PDE10A: variants seen among roughly 807,000 people sequenced by gnomAD.
PDE10A encodes the protein phosphodiesterase 10A, also known as cAMP and cAMP-inhibited cGMP 3',5'-cyclic phosphodiesterase 10A.
Under a neutral mutation model 97.7 loss-of-function variants are expected in PDE10A, and 39 were observed. That is an observed-to-expected ratio of 0.40 (90% confidence interval 0.31 to 0.52). PDE10A has a LOEUF of 0.52. Ranked by LOEUF, PDE10A falls within the 20% of genes least tolerant of loss-of-function variation. The pLI is 0.56. For missense variants in PDE10A, 731 were observed against 1,047.8 expected, an observed-to-expected ratio of 0.70 and a Z score of 4.17; for synonymous variants, 371 against 376.8, an observed-to-expected ratio of 0.98 and a Z score of 0.18.
At chr6:165,873,745 T>A (rs563399972) in intron 1 of PDE10A, among the ~76,000 whole-genome samples, 1 of 152,324 alleles carries the variant, frequency 6.6e-6, no homozygotes, top group East Asian at 1.9e-4. Flanking sequence ...CTTTTTAATT[T>A]GAATAAAAAA....
chr6:165,482,112 T>G (rs1779638240), intron 3 of PDE10A, among the ~76,000 whole-genome samples: 1 of 152,240 alleles, frequency 6.6e-6, no homozygotes, highest in Non-Finnish European at 1.5e-5. Flanking sequence ...AAAATGCATC[T>G]GTGTGCCGTA....
chr6:165,631,577 T>C (rs1004808488), intron 1 of PDE10A, among the ~76,000 whole-genome samples: 1 of 152,222 alleles, frequency 6.6e-6, no homozygotes. Context: ...TCAGTAAAAT[T>C]AGTATGTCAT....
At chr6:165,823,126 C>G (rs1779620300) in intron 1 of PDE10A, among the ~76,000 whole-genome samples, 1 of 151,952 alleles carries the variant, frequency 6.6e-6, no homozygotes, top group South Asian at 2.1e-4. Flanking sequence ...GCCACCGCTC[C>G]CGGCCTATAA....
At chr6:165,611,136 C>T (rs181115220) in intron 1 of PDE10A, among the ~76,000 whole-genome samples, 68 of 151,998 alleles carry the variant, frequency 4.5e-4, no homozygotes, top group South Asian at 3.1e-3. Context: ...AAACAAAAGC[C>T]CAATTCATAC....
Position 165,767,012 on chromosome 6 carries a change from G to A in PDE10A, c.-615+220517C>T, listed in dbSNP as rs573393465. Among the ~76,000 whole-genome samples, 31 of 152,248 alleles carry A rather than the reference G, an allele frequency of 2.0e-4. No homozygotes were observed. In the South Asian group the frequency reaches 5.4e-3, roughly 27 times the overall value. On this transcript the variant is annotated intron_variant, in intron 1 of 19. Transcript: ENST00000366882. The stretch of plus-strand genomic sequence containing the variant: ...GAATTTTCTGGCCCACAAATAACAG[G>A]CTTGACTTCTCATTTATACCTTTAG...
intron 2 of PDE10A, among the ~76,000 whole-genome samples, chr6:165,511,609 C>T (rs937468105): frequency 3.3e-5 from 5 of 151,914 alleles, no homozygotes; most frequent in South Asian, 2.1e-4. Flanking sequence ...TTCTGACAGG[C>T]GGATGTTGAA....
chr6:165,347,522 T>C (rs891441342), intron 18 of PDE10A, among the ~76,000 whole-genome samples: 1 of 152,162 alleles, frequency 6.6e-6, no homozygotes, highest in African/African-American at 2.4e-5. Context: ...GAAAAATAAA[T>C]TATAAACGAA....
At chr6:165,415,600 T>C (rs1209941018) in intron 12 of PDE10A, among the ~76,000 whole-genome samples, 4 of 152,214 alleles carry the variant, frequency 2.6e-5, no homozygotes, top group African/African-American at 7.2e-5. Flanking sequence ...ATGTAACTTA[T>C]TTAGTTACTT....
At chr6:165,765,540 T>G (rs1160547729) in intron 1 of PDE10A, among the ~76,000 whole-genome samples, 1 of 152,232 alleles carries the variant, frequency 6.6e-6, no homozygotes, top group Non-Finnish European at 1.5e-5. Flanking sequence ...GCTAAGTCCC[T>G]CATTGCCTGG....
exon 1 of PDE10A, chr6:165,987,537 G>A (rs188239948): frequency 2.7e-6 from 1 of 368,196 alleles, no homozygotes; most frequent in African/African-American, 2.1e-5. Flanking sequence ...ACCCGCCAAA[G>A]TATGCTGACG....
intron 21 of PDE10A, among the ~76,000 whole-genome samples, chr6:165,334,911 A>G (rs1233111301): frequency 6.6e-6 from 1 of 152,172 alleles, no homozygotes; most frequent in Non-Finnish European, 1.5e-5. Flanking sequence ...AGCAGAAGAT[A>G]AGAGTATACT....
chr6:165,920,983 A>G (rs1782736828), intron 1 of PDE10A, among the ~76,000 whole-genome samples: 2 of 152,020 alleles, frequency 1.3e-5, no homozygotes, highest in African/African-American at 4.8e-5. Context: ...TACTCCAAAG[A>G]CTCATTTTGT....
intron 1 of PDE10A, among the ~76,000 whole-genome samples, chr6:165,896,162 G>T (rs549833053): frequency 6.6e-6 from 1 of 152,122 alleles, no homozygotes; most frequent in Admixed American, 6.5e-5. Context: ...ACACCTCCCA[G>T]ACCAGCACTG....
intron 1 of PDE10A, among the ~76,000 whole-genome samples, chr6:165,972,844 A>T (rs1032140009): frequency 6.6e-6 from 1 of 152,182 alleles, no homozygotes; most frequent in African/African-American, 2.4e-5. Flanking sequence ...CAGGGATTTT[A>T]TTACTGTTTT....
At chr6:165,466,440 T>C (rs1778656741) in intron 3 of PDE10A, among the ~76,000 whole-genome samples, 1 of 152,224 alleles carries the variant, frequency 6.6e-6, no homozygotes, top group Admixed American at 6.5e-5. Context: ...TATTTCTGAA[T>C]GTCAGCACAG....
At position 165,500,766 on chromosome 6, in the gene PDE10A, T is replaced by C. The variant is rs532892841; in HGVS notation, c.995-18423A>G. Among the ~76,000 whole-genome samples the C allele has an allele frequency of 5.9e-5, 9 of 151,712 alleles. No homozygotes were observed. The South Asian group carries it at 6.3e-4, about 11-fold the overall frequency. On this transcript the variant is annotated intron_variant, in intron 2 of 21. Transcript: ENST00000539869. The stretch of plus-strand genomic sequence containing the variant: ...TTGTCTCCTGCTGGACCCTGGGCAA[T>C]AGAATGTCTCCAGGGGCAATAGAAT...
chr6:165,447,522 A>G (rs1395800732), intron 5 of PDE10A, among the ~76,000 whole-genome samples: 3 of 152,226 alleles, frequency 2.0e-5, no homozygotes, highest in Admixed American at 2.0e-4. Context: ...GTGGACCACA[A>G]CAGACTGCAT....
At chr6:165,535,637 T>C (rs1783039928) in intron 2 of PDE10A, among the ~76,000 whole-genome samples, 1 of 151,760 alleles carries the variant, frequency 6.6e-6, no homozygotes, top group Non-Finnish European at 1.5e-5. Flanking sequence ...ACATTTTCTT[T>C]GTCCAATCAT....
intron 1 of PDE10A, among the ~76,000 whole-genome samples, chr6:165,695,312 A>T (rs1429438649): frequency 6.6e-6 from 1 of 152,028 alleles, no homozygotes; most frequent in African/African-American, 2.4e-5. Flanking sequence ...ATCTCTTTTC[A>T]AGACAATCTA....
Sources: gnomAD v4.1 joint callset for allele counts (sites outside exome capture counted in the v4.1 genomes callset) on GRCh38, gnomAD v4.1.1 for gene constraint, MANE v1.5 for transcripts, NCBI Gene and HGNC (gene_info 2026-07-23, HGNC 2026-07-21) for gene names.